The following ADAMTS3 variants were observed in gnomAD, a reference collection of about 807,000 sequenced individuals.
The protein encoded by ADAMTS3 is A disintegrin and metalloproteinase with thrombospondin motifs 3.
Under a neutral mutation model 129.0 loss-of-function variants are expected in ADAMTS3, and 73 were observed. That is an observed-to-expected ratio of 0.57 (90% CI 0.47 to 0.69). ADAMTS3 has a LOEUF of 0.69. Among genes scored for constraint, ADAMTS3 ranks in the 30% least tolerant of loss-of-function variants. The probability of loss-of-function intolerance (pLI) is 0.00; values close to 1 mark genes in which losing one functional copy is unlikely to be tolerated. For missense variants in ADAMTS3, 1,457 were observed against 1,514.5 expected (o/e 0.96, Z 0.63); for synonymous variants, 477 against 510.8 (o/e 0.93, Z 0.89).
intron 4 of ADAMTS3, among the ~76,000 whole-genome samples, chr4:72,408,115 T>G (rs1336762427): frequency 6.6e-6 from 1 of 152,186 alleles, no homozygotes. Flanking sequence ...GAGCATTTGT[T>G]TTAGCCTATG....
intron 3 of ADAMTS3, among the ~76,000 whole-genome samples, chr4:72,472,241 T>C (rs2109994993): frequency 6.6e-6 from 1 of 152,250 alleles, no homozygotes; most frequent in African/African-American, 2.4e-5. Context: ...CAAAATTCCA[T>C]GCCCCTTAGA....
intron 18 of ADAMTS3, among the ~76,000 whole-genome samples, chr4:72,296,694 C>G (rs901699894): frequency 6.6e-6 from 1 of 152,068 alleles, no homozygotes; most frequent in African/African-American, 2.4e-5. Flanking sequence ...AGTACATTCT[C>G]TTATATAACT....
chr4:72,358,657 T>C (rs1160456913), intron 4 of ADAMTS3, among the ~76,000 whole-genome samples: 1 of 152,034 alleles, frequency 6.6e-6, no homozygotes, highest in Non-Finnish European at 1.5e-5. Context: ...ATTTCACTTC[T>C]CTTAGTCCTT....
intron 3 of ADAMTS3, among the ~76,000 whole-genome samples, chr4:72,542,289 C>T (rs1227527644): frequency 8.5e-5 from 13 of 152,098 alleles, no homozygotes; most frequent in Admixed American, 2.6e-4. Context: ...CTCAGCCTCC[C>T]GAGTCGCTGG....
At chr4:72,354,008 C>T (rs890095150) in intron 4 of ADAMTS3, among the ~76,000 whole-genome samples, 5 of 151,862 alleles carry the variant, frequency 3.3e-5, no homozygotes, top group African/African-American at 1.2e-4. Context: ...CACAAAATCA[C>T]CTATTCATAT....
chr4:72,389,029 A>C (rs1421263549), intron 4 of ADAMTS3, among the ~76,000 whole-genome samples: 1 of 152,204 alleles, frequency 6.6e-6, no homozygotes, highest in Non-Finnish European at 1.5e-5. Flanking sequence ...TCGGCCTAGC[A>C]CAAACCAAAA....
chr4:72,549,962 AAAGAAGAAGAAG>A (rs71655715), intron 2 of ADAMTS3, among the ~76,000 whole-genome samples: 1 of 30,894 alleles, frequency 3.2e-5, no homozygotes, highest in Admixed American at 2.4e-4. Flanking sequence ...AAAAAAAAAA[AAAGAAGAAGAAG>A]AAGAAGAAGA....
chr4:72,339,476 A>T lies in ADAMTS3; in HGVS notation c.861+18T>A. 1 of 1,612,172 alleles carries T rather than the reference A, an allele frequency of 6.2e-7. No individual in the cohort carries two copies. Among genetic ancestry groups the T allele is most frequent in the Non-Finnish European group, 8.5e-7 (1 of 1,178,696 alleles). ...GAATTAAAAGATCAAAAAGCTTTAA[A>T]AAGGAGTCACTACTCACAATGTTCA... On this transcript the variant is annotated intron_variant, in intron 5 of 21. Transcript: ENST00000286657.
chr4:72,374,289 CT>C (rs1299210763), intron 4 of ADAMTS3, among the ~76,000 whole-genome samples: 6,489 of 140,342 alleles, frequency 0.046, 406 homozygotes, highest in African/African-American at 0.15. Context: ...GGAGTAACTC[CT>C]TTTTTTTTTT....
Position 72,567,410 on chromosome 4 carries a change from G to A in ADAMTS3, c.70-9C>T, listed in dbSNP as rs2109812755. 1.2e-6 allele frequency: 2 copies of A among 1,612,930 alleles called. No homozygotes were observed. The highest frequency in any genetic ancestry group is 4.5e-5 in the East Asian group (2 of 44,834). On this transcript the variant is annotated splice_polypyrimidine_tract_variant and intron_variant, in intron 1 of 21. Transcript: ENST00000286657. The stretch of plus-strand genomic sequence containing the variant: ...ATTTCTTCATTACCAGCCTGGAAAG[G>A]AGGGGGAAAGCAAGAAAAAGAAAGT...
chr4:72,320,041 G>A lies in ADAMTS3; in HGVS notation c.1103-78C>T, dbSNP rs1287441888. On this transcript the variant is annotated intron_variant, in intron 7 of 21. Transcript: ENST00000286657. Reference sequence around the variant, plus strand: ...GAATTACAACTGGACTTTTGCCTAGGGGGAAAAAAGTAAAAGCCTTTCAGG... The same window carrying A: ...GAATTACAACTGGACTTTTGCCTAGAGGGAAAAAAGTAAAAGCCTTTCAGG... The A allele has an allele frequency of 5.1e-6, 6 of 1,179,298 alleles. No homozygotes were observed. The African/African-American group carries it at 7.7e-5, about 15-fold the overall frequency. The allele number at this position is 1,179,298 out of a possible 1,614,324, so 73.1% of individuals were successfully genotyped here.
chr4:72,306,763 C>T (rs1252068322), intron 15 of ADAMTS3, among the ~76,000 whole-genome samples: 2 of 151,888 alleles, frequency 1.3e-5, no homozygotes, highest in Non-Finnish European at 2.9e-5. Flanking sequence ...AACCTCAAAA[C>T]CTCCTAAGCC....
At chr4:72,545,632 T>C (rs1386752456) in intron 3 of ADAMTS3, among the ~76,000 whole-genome samples, 1 of 152,134 alleles carries the variant, frequency 6.6e-6, no homozygotes, top group Non-Finnish European at 1.5e-5. Flanking sequence ...CTTCGGTCCT[T>C]TATTCTTCAG....
intron 3 of ADAMTS3, among the ~76,000 whole-genome samples, chr4:72,519,371 C>T (rs1325874032): frequency 6.6e-6 from 1 of 152,224 alleles, no homozygotes; most frequent in East Asian, 1.9e-4. Context: ...TTTCCTGAAT[C>T]TGAATGTTGG....
intron 4 of ADAMTS3, among the ~76,000 whole-genome samples, chr4:72,400,894 T>C (rs2109908271): frequency 6.6e-6 from 1 of 150,562 alleles, no homozygotes; most frequent in Non-Finnish European, 1.5e-5. Flanking sequence ...GATATATATA[T>C]TGGACATACA....
chr4:72,562,662 A>G (rs1336611215), intron 2 of ADAMTS3, among the ~76,000 whole-genome samples: 1 of 152,196 alleles, frequency 6.6e-6, no homozygotes, highest in Non-Finnish European at 1.5e-5. Flanking sequence ...TGGGAACTGG[A>G]ATGATTTTCA....
intron 3 of ADAMTS3, among the ~76,000 whole-genome samples, chr4:72,495,072 C>T (rs1318834838): frequency 3.9e-5 from 6 of 152,118 alleles, no homozygotes; most frequent in African/African-American, 1.2e-4. Flanking sequence ...CAGCAATGTC[C>T]GGGTCTGGGA....
At chr4:72,359,940 A>G (rs1433033693) in intron 4 of ADAMTS3, among the ~76,000 whole-genome samples, 1 of 152,094 alleles carries the variant, frequency 6.6e-6, no homozygotes, top group Non-Finnish European at 1.5e-5. Flanking sequence ...ACTTTTCATT[A>G]TAAAACATTA....
At chr4:72,452,529 G>A (rs1718433514) in intron 3 of ADAMTS3, among the ~76,000 whole-genome samples, 2 of 151,712 alleles carry the variant, frequency 1.3e-5, no homozygotes, top group African/African-American at 4.8e-5. Context: ...GAGCAGTTGA[G>A]TTAGAACATG....
Sources: allele counts gnomAD v4.1 joint callset (sites outside exome capture counted in the v4.1 genomes callset), GRCh38; gene constraint gnomAD v4.1.1; transcripts MANE v1.5; gene names NCBI Gene and HGNC (gene_info 2026-07-23, HGNC 2026-07-21).